The following CACNA1D variants were observed in gnomAD, a reference collection of about 807,000 sequenced individuals.
CACNA1D encodes the protein voltage-dependent L-type calcium channel subunit alpha-1D.
A neutral mutation model predicts 257.1 loss-of-function variants in CACNA1D; 55 were observed. That is an observed-to-expected ratio of 0.21 (90% CI 0.17 to 0.27). The LOEUF (loss-of-function observed/expected upper bound fraction) is 0.27. Ranked by LOEUF, CACNA1D falls within the 10% of genes least tolerant of loss-of-function variation. CACNA1D has a pLI of 1.00. For missense variants in CACNA1D, 1,876 were observed against 2,784.0 expected, an observed-to-expected ratio of 0.67 and a Z score of 7.34; for synonymous variants, 980 against 1,014.9, an observed-to-expected ratio of 0.97 and a Z score of 0.65.
chr3:53,723,814 T>C lies in CACNA1D; in HGVS notation c.1915T>C (p.Leu639=). ...TAGGCACTGGACTTCCCTGAGCAACTTAGTGGCATCCTTATTAAACTCCAT... is the reference window on the plus strand; with the variant it reads ...TAGGCACTGGACTTCCCTGAGCAACCTAGTGGCATCCTTATTAAACTCCAT... The part of the protein sequence containing the change: ...VTRHWTSLSN[L]VASLLNSMKS... Residue 639 remains leucine (L), a synonymous_variant, in exon 14 of 48, where the codon TTA becomes CTA. Coordinates refer to ENST00000350061, the MANE Select transcript of CACNA1D (RefSeq NM_001128840.3). The surrounding 1 kb of genome is among the most constrained non-coding windows in gnomAD (Gnocchi z 5.6). The C allele has an allele frequency of 6.2e-7, 1 of 1,614,116 alleles. No individual in the cohort carries two copies. The highest frequency in any genetic ancestry group is 1.7e-5 in the Admixed American group (1 of 60,032).
chr3:53,666,426 G>T lies in CACNA1D; in HGVS notation c.1007G>T (p.Gly336Val), dbSNP rs1015916666. The T allele has an allele frequency of 5.0e-6, 8 of 1,614,072 alleles. No individual in the cohort carries two copies. The highest frequency in any genetic ancestry group is 6.8e-6 in the Non-Finnish European group (8 of 1,180,032). ...GCCAATGGCACGGAATGTAGGAGTG[G>T]CTGGGTTGGCCCGAACGGAGGCATC... is the stretch of plus-strand genomic sequence containing the variant. The part of the protein sequence containing the change: ...CTANGTECRS[G>V]WVGPNGGITN... The change falls in exon 7 of 48, where the codon GGC (glycine) becomes GTC (valine). Residue 336 changes from glycine (G) to valine (V), a missense_variant. Coordinates refer to ENST00000350061, the MANE Select transcript of CACNA1D (RefSeq NM_001128840.3).
chr3:53,515,943 A>G (rs1390608448), intron 3 of CACNA1D, among the ~76,000 whole-genome samples: 8 of 152,188 alleles, frequency 5.3e-5, no homozygotes, highest in Non-Finnish European at 7.4e-5. Context: ...TCAGCCTTCC[A>G]CCGTATCAGG....
At chr3:53,612,989 T>C (rs2093599355) in intron 3 of CACNA1D, among the ~76,000 whole-genome samples, 1 of 152,174 alleles carries the variant, frequency 6.6e-6, no homozygotes, top group Non-Finnish European at 1.5e-5. Context: ...AAGGTGATCA[T>C]TTATAAACAG....
In CACNA1D at chr3:53,650,826, T is replaced by C. The variant is rs963582380; in HGVS notation, c.531T>C (p.Phe177=). Residue 177 remains phenylalanine (F), a synonymous_variant, in exon 4 of 48, where the codon TTT becomes TTC. Transcript: ENST00000350061. Reference sequence around the variant, plus strand: ...TGATTATTTTTACAGTCGAGACATTTTTGAAGATTATAGCGTATGGATTAT... The same window carrying C: ...TGATTATTTTTACAGTCGAGACATTCTTGAAGATTATAGCGTATGGATTAT... The part of the protein sequence containing the change: ...AFLIIFTVET[F]LKIIAYGLLL... 3.1e-6 allele frequency: 5 copies of C among 1,613,434 alleles called. No individual in the cohort carries two copies. In the Admixed American group the frequency reaches 5.0e-5, roughly 16 times the overall value.
chr3:53,724,446 G>A (rs988150373), intron 14 of CACNA1D, among the ~76,000 whole-genome samples: 13 of 152,172 alleles, frequency 8.5e-5, no homozygotes, highest in Admixed American at 6.5e-4. Flanking sequence ...GAATCAGAGT[G>A]GTAGGAACTG....
chr3:53,613,118 G>A (rs773110723), intron 3 of CACNA1D, among the ~76,000 whole-genome samples: 6 of 152,224 alleles, frequency 3.9e-5, no homozygotes, highest in African/African-American at 2.4e-5. Flanking sequence ...ACACCACAGA[G>A]TATGCTGCTG....
At chr3:53,560,482 A>G (rs1479079923) in intron 3 of CACNA1D, among the ~76,000 whole-genome samples, 1 of 152,198 alleles carries the variant, frequency 6.6e-6, no homozygotes, top group African/African-American at 2.4e-5. Flanking sequence ...AATATGTATC[A>G]TGGAATTCTC....
At chr3:53,707,061 A>G (rs1052226194) in intron 9 of CACNA1D, among the ~76,000 whole-genome samples, 1 of 152,100 alleles carries the variant, frequency 6.6e-6, no homozygotes, top group Non-Finnish European at 1.5e-5. Flanking sequence ...CACAGCTTTC[A>G]GGCTCTTGAA....
intron 3 of CACNA1D, among the ~76,000 whole-genome samples, chr3:53,502,558 TA>T (rs1048412619): frequency 3.3e-5 from 5 of 150,516 alleles, no homozygotes; most frequent in East Asian, 1.9e-4. Context: ...GTTTTTTTTT[TA>T]AAAAAAAAGC....
At chr3:53,561,054 C>T (rs2092729258) in intron 3 of CACNA1D, among the ~76,000 whole-genome samples, 1 of 152,138 alleles carries the variant, frequency 6.6e-6, no homozygotes. Flanking sequence ...TAATTCATCT[C>T]CATATTACTT....
chr3:53,683,667 A>C (rs1436115895), intron 8 of CACNA1D, among the ~76,000 whole-genome samples: 1 of 152,198 alleles, frequency 6.6e-6, no homozygotes, highest in Non-Finnish European at 1.5e-5. Flanking sequence ...CTGTTTAAGG[A>C]ACTGAAGGAA....
At chr3:53,777,362 T>G (rs2095403654) in intron 37 of CACNA1D, among the ~76,000 whole-genome samples, 1 of 152,170 alleles carries the variant, frequency 6.6e-6, no homozygotes, top group Admixed American at 6.5e-5. Flanking sequence ...AAGCTGAGCC[T>G]TCTCTGTCCT....
intron 3 of CACNA1D, among the ~76,000 whole-genome samples, chr3:53,519,084 C>T (rs958903307): frequency 1.3e-5 from 2 of 152,186 alleles, no homozygotes; most frequent in Non-Finnish European, 2.9e-5. Flanking sequence ...AGAAGCCTTC[C>T]TCACTCCCTG....
Position 53,630,417 on chromosome 3 carries a change from A to C in CACNA1D, c.484-20362A>C, listed in dbSNP as rs2108112951. On this transcript the variant is annotated intron_variant, in intron 3 of 47. Transcript: ENST00000350061. The stretch of plus-strand genomic sequence containing the variant: ...ATTGCTTATCCAGTACTTCCAATGG[A>C]TTCAGCCTGGTGTTTTGGAAGAAAC... 2.0e-5 allele frequency among the ~76,000 whole-genome samples: 3 copies of C among 152,336 alleles called. No individual in the cohort carries two copies. The East Asian group carries it at 5.8e-4, about 29-fold the overall frequency.
chr3:53,680,699 A>G (rs545456509), intron 8 of CACNA1D, among the ~76,000 whole-genome samples: 3 of 152,316 alleles, frequency 2.0e-5, no homozygotes, highest in Admixed American at 6.5e-5. Flanking sequence ...TCCCTATTCA[A>G]TTGGAGGCAT....
chr3:53,683,774 A>G (rs1380611), intron 8 of CACNA1D, among the ~76,000 whole-genome samples: 129,089 of 152,220 alleles, frequency 0.85, 55,280 homozygotes, highest in East Asian at 1. Context: ...GAAAAAGTTG[A>G]TGAGGGCTTA....
chr3:53,786,707 C>T (rs1415384917), intron 39 of CACNA1D, 115 bp from the exon 40 acceptor site: 6 of 795,636 alleles, frequency 7.5e-6, no homozygotes, highest in African/African-American at 1.7e-5. Context: ...CCTTCTGCGC[C>T]GGACCGCCCA....
At position 53,495,310 on chromosome 3, in the gene CACNA1D, C is replaced by A; in HGVS notation, c.67+77C>A. 6.4e-7 allele frequency: 1 copy of A among 1,573,922 alleles called. No homozygotes were observed. ...CCTCCAGCCCCCTCCCCCTTCCCCG[C>A]GGCGCTGGATGGGTTGAGGGGGTTG... is the stretch of plus-strand genomic sequence containing the variant. On this transcript the variant is annotated intron_variant, in intron 1 of 47. Transcript: ENST00000350061. This position sits in a 1 kb window ranked among gnomAD's most constrained non-coding sequence, Gnocchi z 5.1.
chr3:53,617,527 A>G (rs1381066112), intron 3 of CACNA1D, among the ~76,000 whole-genome samples: 3 of 152,202 alleles, frequency 2.0e-5, no homozygotes, highest in Non-Finnish European at 4.4e-5. Flanking sequence ...CCTGTAAAGT[A>G]CTTAGCATAA....
Sources: allele counts gnomAD v4.1 joint callset (sites outside exome capture counted in the v4.1 genomes callset), GRCh38; gene constraint gnomAD v4.1.1; non-coding constraint Gnocchi (gnomAD v3.1); transcripts MANE v1.5; gene names NCBI Gene and HGNC (gene_info 2026-07-23, HGNC 2026-07-21).